The following PAX5 variants were observed in gnomAD, a reference collection of about 807,000 sequenced individuals.
PAX5 encodes the protein paired box protein Pax-5.
A neutral mutation model predicts 43.7 loss-of-function variants in PAX5; 9 were observed. The ratio of observed to expected loss-of-function variants is 0.21; its 90% CI spans 0.12 to 0.36. The LOEUF is 0.36. Ranked by LOEUF, PAX5 falls within the 10% of genes least tolerant of loss-of-function variation. The pLI, the probability that PAX5 is intolerant of heterozygous loss-of-function variation, is 1.00. For synonymous variants in PAX5, 228 were observed against 214.3 expected (o/e 1.06, Z -0.56); for missense variants, 383 against 532.7 (o/e 0.72, Z 2.77).
At chr9:36,985,928 G>A (rs1487304824) in intron 5 of PAX5, among the ~76,000 whole-genome samples, 2 of 152,234 alleles carry the variant, frequency 1.3e-5, no homozygotes, top group Non-Finnish European at 2.9e-5. Context: ...AAGAAAGAGT[G>A]GCAGTCGCAC....
intron 5 of PAX5, among the ~76,000 whole-genome samples, chr9:36,979,426 C>T (rs536381063): frequency 6.6e-6 from 1 of 152,298 alleles, no homozygotes; most frequent in Non-Finnish European, 1.5e-5. Flanking sequence ...CTTATAGGGG[C>T]ATATTCTTGT....
At chr9:36,922,600 G>A (rs1398148250) in intron 7 of PAX5, 1 of 152,404 alleles carries the variant, frequency 6.6e-6, no homozygotes, top group East Asian at 1.9e-4. Context: ...AGGGTTCTCA[G>A]AAGAATCCTA....
At chr9:36,869,930 G>GGATA (rs1825297642) in intron 8 of PAX5, among the ~76,000 whole-genome samples, 1 of 143,138 alleles carries the variant, frequency 7.0e-6, no homozygotes, top group African/African-American at 2.7e-5. Flanking sequence ...ATGGATGGAT[G>GGATA]GATGGATAAA....
chr9:37,005,001 A>T (rs1296439533), intron 4 of PAX5, among the ~76,000 whole-genome samples: 1 of 152,266 alleles, frequency 6.6e-6, no homozygotes, highest in East Asian at 1.9e-4. Flanking sequence ...GGACAGAACA[A>T]AACATGCTGC....
At chr9:36,928,152 T>C (rs1036337592) in intron 6 of PAX5, among the ~76,000 whole-genome samples, 2 of 152,256 alleles carry the variant, frequency 1.3e-5, no homozygotes, top group African/African-American at 4.8e-5. Flanking sequence ...AATTGTTCCC[T>C]AAGTCCTCAT....
In PAX5 at chr9:36,835,102, A is replaced by G; in HGVS notation, c.*5458T>C. 1 of 233,338 alleles carries G rather than the reference A, an allele frequency of 4.3e-6. No homozygotes were observed. Among genetic ancestry groups the G allele is most frequent in the Non-Finnish European group, 8.5e-6 (1 of 118,060 alleles). The allele number at this position is 233,338 out of a possible 1,614,324, so 14.5% of individuals were successfully genotyped here. On this transcript the variant is annotated 3_prime_UTR_variant, in exon 10 of 10. Coordinates refer to ENST00000358127, the MANE Select transcript of PAX5 (RefSeq NM_016734.3). ...TGATTGTCCCTCAGTAGATATTAATAGGTAAGCAGCTGCATTTTCTCCTTG... is the reference window on the plus strand; with the variant it reads ...TGATTGTCCCTCAGTAGATATTAATGGGTAAGCAGCTGCATTTTCTCCTTG...
At chr9:36,849,514 G>C (rs556605837) in intron 8 of PAX5, among the ~76,000 whole-genome samples, 3 of 152,334 alleles carry the variant, frequency 2.0e-5, no homozygotes, top group Non-Finnish European at 4.4e-5. Context: ...ATTATTTGTT[G>C]AATGAATGAA....
intron 6 of PAX5, among the ~76,000 whole-genome samples, chr9:36,929,277 G>GGAACGAAGGAAGGAAC (rs1554666318): frequency 2.0e-5 from 3 of 149,998 alleles, no homozygotes; most frequent in African/African-American, 7.4e-5. Flanking sequence ...AAGGAAGGAA[G>GGAACGAAGGAAGGAAC]GAAGGAAGGA....
chr9:36,911,327 C>CTT (rs36123317), intron 7 of PAX5, among the ~76,000 whole-genome samples: 7,160 of 140,394 alleles, frequency 0.051, 218 homozygotes, highest in East Asian at 0.12. Flanking sequence ...CACAAAACAA[C>CTT]TTTTTTTTTT....
At chr9:36,964,831 G>C (rs376100066) in intron 6 of PAX5, among the ~76,000 whole-genome samples, 21 of 152,248 alleles carry the variant, frequency 1.4e-4, no homozygotes, top group African/African-American at 4.8e-4. Flanking sequence ...GCTATGCCCA[G>C]CACCATAACC....
intron 4 of PAX5, among the ~76,000 whole-genome samples, chr9:37,003,707 C>T (rs62533709): frequency 0.11 from 16,029 of 152,144 alleles, 957 homozygotes; most frequent in East Asian, 0.15. Flanking sequence ...TGTGGTGGCA[C>T]AAGCCTATAA....
intron 7 of PAX5, among the ~76,000 whole-genome samples, chr9:36,916,057 G>GAA (rs5897663): frequency 6.9e-6 from 1 of 144,654 alleles, no homozygotes; most frequent in Admixed American, 6.9e-5. Flanking sequence ...AAGTGAGATT[G>GAA]AAAAAAAAAA....
intron 8 of PAX5, among the ~76,000 whole-genome samples, chr9:36,849,479 G>A (rs1160638692): frequency 6.6e-6 from 1 of 152,202 alleles, no homozygotes; most frequent in Non-Finnish European, 1.5e-5. Context: ...CTAGCACAGG[G>A]CCTGGCCTCT....
intron 8 of PAX5, among the ~76,000 whole-genome samples, chr9:36,850,883 C>G (rs774344230): frequency 7.2e-5 from 11 of 152,172 alleles, no homozygotes; most frequent in Admixed American, 7.2e-4. Context: ...CAAGCAGTCC[C>G]GGGGAGAAAA....
At chr9:36,927,228 C>T (rs915591120) in intron 6 of PAX5, among the ~76,000 whole-genome samples, 1 of 152,170 alleles carries the variant, frequency 6.6e-6, no homozygotes, top group African/African-American at 2.4e-5. Flanking sequence ...CTGCACCCCT[C>T]CCCAGCCCAC....
chr9:36,854,560 A>G (rs2131620080), intron 8 of PAX5, among the ~76,000 whole-genome samples: 1 of 152,200 alleles, frequency 6.6e-6, no homozygotes, highest in Middle Eastern at 3.4e-3. Flanking sequence ...AGAAATTGAA[A>G]TAAGTGACCT....
intron 1 of PAX5, chr9:37,026,568 A>C (rs572003197): frequency 1.5e-6 from 2 of 1,340,516 alleles, no homozygotes; most frequent in East Asian, 3.8e-5. Flanking sequence ...CTTACAGTGT[A>C]TTTCCATCGG....
At chr9:36,901,889 C>T (rs1828425996) in intron 7 of PAX5, among the ~76,000 whole-genome samples, 1 of 152,172 alleles carries the variant, frequency 6.6e-6, no homozygotes, top group African/African-American at 2.4e-5. Flanking sequence ...ACTTAGTAAA[C>T]TGTAGAGAGT....
chr9:36,861,680 T>G (rs1587789703), intron 8 of PAX5, among the ~76,000 whole-genome samples: 2 of 148,724 alleles, frequency 1.3e-5, no homozygotes, highest in African/African-American at 5.0e-5. Context: ...GTGTGGGAGG[T>G]GTGTGGCTAG....
Sources: allele counts gnomAD v4.1 joint callset (sites outside exome capture counted in the v4.1 genomes callset), GRCh38; gene constraint gnomAD v4.1.1; transcripts MANE v1.5; gene names NCBI Gene and HGNC (gene_info 2026-07-23, HGNC 2026-07-21).